The following DRD2 variants were observed in gnomAD, a reference collection of about 807,000 sequenced individuals.
DRD2 encodes the protein dopamine receptor D2.
Under a neutral mutation model 38.0 loss-of-function variants are expected in DRD2, and 8 were observed. That is an observed-to-expected ratio of 0.21 (90% CI 0.12 to 0.38). The LOEUF (loss-of-function observed/expected upper bound fraction) is 0.38. DRD2 is among the 10% of genes least tolerant of loss of function. The probability of loss-of-function intolerance (pLI) is 1.00; values close to 1 mark genes in which losing one functional copy is unlikely to be tolerated. For synonymous variants in DRD2, 230 were observed against 238.6 expected (o/e 0.96, Z 0.33); for missense variants, 403 against 607.7 (o/e 0.66, Z 3.54).
intron 1 of DRD2, among the ~76,000 whole-genome samples, chr11:113,453,258 G>A (rs533217453): frequency 6.6e-6 from 1 of 152,250 alleles, no homozygotes; most frequent in South Asian, 2.1e-4. Flanking sequence ...CCACTTAACT[G>A]CTGCTGCTCA....
At chr11:113,432,332 C>T (rs1019688127) in intron 1 of DRD2, among the ~76,000 whole-genome samples, 1 of 151,636 alleles carries the variant, frequency 6.6e-6, no homozygotes, top group Non-Finnish European at 1.5e-5. Context: ...CTCTCCCTCC[C>T]TCTATCCCCA....
chr11:113,429,986 C>T (rs542652371), intron 1 of DRD2, among the ~76,000 whole-genome samples: 3 of 152,340 alleles, frequency 2.0e-5, no homozygotes, highest in East Asian at 1.9e-4. Context: ...TGAAATGAAA[C>T]AAGCAATCAG....
chr11:113,454,214 C>T (rs773446327), intron 1 of DRD2, among the ~76,000 whole-genome samples: 1 of 152,038 alleles, frequency 6.6e-6, no homozygotes, highest in Non-Finnish European at 1.5e-5. Context: ...CCAGCGGACA[C>T]TATATGGTCC....
At chr11:113,462,473 G>A (rs930495392) in intron 1 of DRD2, among the ~76,000 whole-genome samples, 2 of 152,174 alleles carry the variant, frequency 1.3e-5, no homozygotes, top group Non-Finnish European at 2.9e-5. Flanking sequence ...AGCCATGGGG[G>A]AGAGACAATC....
At chr11:113,452,027 T>C (rs1951214286) in intron 1 of DRD2, among the ~76,000 whole-genome samples, 1 of 152,014 alleles carries the variant, frequency 6.6e-6, no homozygotes, top group Non-Finnish European at 1.5e-5. Context: ...CACATTCAAC[T>C]CACACCCCAG....
intron 5 of DRD2, among the ~76,000 whole-genome samples, chr11:113,414,978 G>A (rs539695471): frequency 1.3e-5 from 2 of 152,300 alleles, no homozygotes; most frequent in Non-Finnish European, 2.9e-5. Flanking sequence ...AAATGAAAGA[G>A]AAGCACAGGA....
intron 1 of DRD2, among the ~76,000 whole-genome samples, chr11:113,432,467 C>A (rs1950996974): frequency 6.6e-6 from 1 of 152,168 alleles, no homozygotes; most frequent in Admixed American, 6.5e-5. Context: ...CTTGGTGCTG[C>A]CTTCCCTGAA....
chr11:113,451,184 A>G (rs1467228840), intron 1 of DRD2, among the ~76,000 whole-genome samples: 1 of 152,222 alleles, frequency 6.6e-6, no homozygotes, highest in Non-Finnish European at 1.5e-5. Flanking sequence ...GCTGTTAAGA[A>G]TATGTATCCA....
At chr11:113,456,184 C>A (rs1951266739) in intron 1 of DRD2, among the ~76,000 whole-genome samples, 1 of 152,132 alleles carries the variant, frequency 6.6e-6, no homozygotes, top group African/African-American at 2.4e-5. Flanking sequence ...ATGAAATAAG[C>A]CAAGCACAGA....
intron 3 of DRD2, 62 bp from the exon 4 acceptor site, chr11:113,417,061 T>G: frequency 6.3e-7 from 1 of 1,592,244 alleles, no homozygotes; most frequent in Non-Finnish European, 8.6e-7. Context: ...CTCCACAATA[T>G]GCACACACCA....
Position 113,429,018 on chromosome 11 carries a change from C to T in DRD2, c.-31-4336G>A, listed in dbSNP as rs138472381. 7.2e-4 allele frequency among the ~76,000 whole-genome samples: 109 copies of T among 152,296 alleles called. 1 individual carries two copies. The highest frequency in any genetic ancestry group is 2.5e-3 in the African/African-American group (104 of 41,574). On this transcript the variant is annotated intron_variant, in intron 1 of 7. Transcript: ENST00000362072. ...TTCTCTGGAGTGCTGGTTACTTCTG[C>T]AGGGTAAGGGAGAGTCCCTGTACCC...
chr11:113,433,678 C>T (rs1951010149), intron 1 of DRD2, among the ~76,000 whole-genome samples: 2 of 152,206 alleles, frequency 1.3e-5, no homozygotes, highest in Non-Finnish European at 1.5e-5. Flanking sequence ...AGGCGTGGAA[C>T]AGCCTGGATG....
intron 1 of DRD2, among the ~76,000 whole-genome samples, chr11:113,429,546 G>A (rs1323885353): frequency 6.6e-6 from 1 of 152,172 alleles, no homozygotes; most frequent in Non-Finnish European, 1.5e-5. Flanking sequence ...CACCCGGCCA[G>A]TACAGGGCTA....
At chr11:113,469,120 C>T (rs543034300) in intron 1 of DRD2, among the ~76,000 whole-genome samples, 74 of 152,144 alleles carry the variant, frequency 4.9e-4, no homozygotes, top group Non-Finnish European at 1.0e-3. Flanking sequence ...ACAAAACATC[C>T]GTCTACACCT....
Position 113,419,709 on chromosome 11 carries a change from C to T in DRD2, c.286-1573G>A, listed in dbSNP as rs550838873. Among the ~76,000 whole-genome samples, 5 of 152,300 alleles carry T rather than the reference C, an allele frequency of 3.3e-5. 1 individual carries two copies. In the South Asian group the frequency reaches 1.0e-3, roughly 32 times the overall value. On this transcript the variant is annotated intron_variant, in intron 2 of 7. Coordinates refer to ENST00000362072, the MANE Select transcript of DRD2 (RefSeq NM_000795.4). ...CCGCAACCCGGAGTAGGGCAGACTT[C>T]GTGTCACCGTGTAGCTTGGCAGCAG...
intron 6 of DRD2, chr11:113,414,032 G>A (rs983394551): frequency 4.1e-5 from 15 of 361,476 alleles, no homozygotes; most frequent in Non-Finnish European, 6.5e-5. Context: ...ACTGAAGATC[G>A]GTTCGATCAA....
chr11:113,449,796 A>G (rs1288422359), intron 1 of DRD2, among the ~76,000 whole-genome samples: 1 of 152,220 alleles, frequency 6.6e-6, no homozygotes, highest in East Asian at 1.9e-4. Context: ...TCTTCCAAGA[A>G]TTGGAGCCAG....
At chr11:113,448,879 C>T (rs1951182577) in intron 1 of DRD2, among the ~76,000 whole-genome samples, 1 of 152,124 alleles carries the variant, frequency 6.6e-6, no homozygotes, top group African/African-American at 2.4e-5. Context: ...CAGCAGGGGG[C>T]CAAATTCAAG....
chr11:113,468,026 C>A (rs548310411), intron 1 of DRD2, among the ~76,000 whole-genome samples: 2 of 152,308 alleles, frequency 1.3e-5, no homozygotes, highest in East Asian at 3.9e-4. Context: ...TTGTTTCTTA[C>A]TTAAGCATCT....
Sources: gnomAD v4.1 joint callset for allele counts (sites outside exome capture counted in the v4.1 genomes callset) on GRCh38, gnomAD v4.1.1 for gene constraint, MANE v1.5 for transcripts, NCBI Gene and HGNC (gene_info 2026-07-23, HGNC 2026-07-21) for gene names.